TMEM131: variants seen among roughly 807,000 people sequenced by gnomAD.
TMEM131 encodes the protein transmembrane protein 131, also known as 2610524E03Rik.
TMEM131 carries 66 observed loss-of-function variants against 211.6 expected under a neutral mutation model. The ratio of observed to expected loss-of-function variants is 0.31; its 90% CI spans 0.26 to 0.38. The LOEUF (loss-of-function observed/expected upper bound fraction) is 0.38. Among genes scored for constraint, TMEM131 ranks in the 10% least tolerant of loss-of-function variants. The pLI is 1.00. For missense variants in TMEM131, 2,036 were observed against 2,299.3 expected (o/e 0.89, Z 2.34); for synonymous variants, 844 against 841.3 (o/e 1.00, Z -0.06).
intron 1 of TMEM131, among the ~76,000 whole-genome samples, chr2:97,969,530 A>G (rs1213822156): frequency 6.6e-6 from 1 of 152,232 alleles, no homozygotes; most frequent in Non-Finnish European, 1.5e-5. Context: ...TGACACCTGC[A>G]GGTCTTCTTG....
chr2:97,946,604 C>T (rs1276706060), intron 1 of TMEM131, among the ~76,000 whole-genome samples: 1 of 151,868 alleles, frequency 6.6e-6, no homozygotes, highest in Non-Finnish European at 1.5e-5. Context: ...TTAAAATCTT[C>T]TCACAAAGAT....
intron 13 of TMEM131, 90 bp downstream of exon 13, chr2:97,815,109 G>A (rs1459159487): frequency 4.9e-6 from 3 of 612,334 alleles, no homozygotes; most frequent in African/African-American, 3.9e-5. Flanking sequence ...TTATGTGAAC[G>A]TGGCTAGTAT....
At chr2:97,994,773 A>C (rs1195631107) in intron 1 of TMEM131, among the ~76,000 whole-genome samples, 1 of 152,236 alleles carries the variant, frequency 6.6e-6, no homozygotes, top group East Asian at 1.9e-4. Context: ...GTACAATACT[A>C]ATGAGATTTT....
In TMEM131 at chr2:97,775,943, T is replaced by G. The variant is rs761938695; in HGVS notation, c.4220A>C (p.Lys1407Thr). The change falls in exon 32 of 41, where the codon AAG becomes ACG. Residue 1407 changes from lysine (K) to threonine (T), a missense_variant. By Grantham distance (78) the Lys-to-Thr change is moderately conservative. Transcript: ENST00000186436. Reference sequence around the variant, plus strand: ...GTCCTTCAGCTCATCTTCCTGTGGCTTTCCCTTTCCCTTCTTCTCCTTTTC... The same window carrying G: ...GTCCTTCAGCTCATCTTCCTGTGGCGTTCCCTTTCCCTTCTTCTCCTTTTC... ...QEEKEKKGKG[K>T]PQEDELKDSL... The G allele has an allele frequency of 1.2e-6, 2 of 1,614,016 alleles. No homozygotes were observed. Among genetic ancestry groups the G allele is most frequent in the Non-Finnish European group, 1.7e-6 (2 of 1,179,888 alleles).
chr2:97,908,767 TCC>T, intron 2 of TMEM131, 69 bp from the exon 3 acceptor site: 3 of 1,288,450 alleles, frequency 2.3e-6, no homozygotes, highest in Non-Finnish European at 3.3e-6. Flanking sequence ...ATATGGAATA[TCC>T]AAAATATTCT....
chr2:97,824,356 G>A (rs988226972), intron 11 of TMEM131, among the ~76,000 whole-genome samples: 2 of 152,182 alleles, frequency 1.3e-5, no homozygotes, highest in African/African-American at 4.8e-5. Context: ...CCAGGAAATT[G>A]ACTTCCACCT....
chr2:97,831,982 T>C lies in TMEM131; in HGVS notation c.1074+1383A>G, dbSNP rs532401124. Among the ~76,000 whole-genome samples, 4 of 141,602 alleles carry C rather than the reference T, an allele frequency of 2.8e-5. No individual in the cohort carries two copies. The South Asian group carries it at 8.7e-4, about 31-fold the overall frequency. 92.9% of individuals were successfully genotyped at this position (141,602 alleles called of 152,430 possible). On this transcript the variant is annotated intron_variant, in intron 11 of 40. Transcript: ENST00000186436. ...CATGCCTGGCCTATTTTTGCATTTT[T>C]TATAGTTGTGTAAGTCACTTCCAAA...
intron 15 of TMEM131, among the ~76,000 whole-genome samples, chr2:97,813,677 C>G (rs1020479379): frequency 2.0e-5 from 3 of 151,972 alleles, no homozygotes; most frequent in South Asian, 2.1e-4. Context: ...CTATTTAGTT[C>G]TTTTCTATAT....
chr2:97,767,605 G>C (rs752736550), intron 33 of TMEM131, among the ~76,000 whole-genome samples: 14 of 152,172 alleles, frequency 9.2e-5, no homozygotes, highest in Non-Finnish European at 1.8e-4. Flanking sequence ...GAATCCTCAG[G>C]GATCTCTACA....
In TMEM131 at chr2:97,965,051, G is replaced by C. The variant is rs576428801; in HGVS notation, c.187+30425C>G. On this transcript the variant is annotated intron_variant, in intron 1 of 40. Coordinates refer to ENST00000186436, the MANE Select transcript of TMEM131 (RefSeq NM_015348.2). ...CTTCATGTCTTTATGCCCCAAGAGC[G>C]TAAGAGCTCCGCGGCATGCCACAGG... Among the ~76,000 whole-genome samples the C allele has an allele frequency of 4.6e-5, 7 of 152,282 alleles. No homozygotes were observed. In the East Asian group the frequency reaches 1.4e-3, roughly 29 times the overall value.
chr2:97,927,529 A>T (rs764530012), intron 1 of TMEM131, 42 bp from the exon 2 acceptor site: 1 of 1,473,718 alleles, frequency 6.8e-7, no homozygotes, highest in Admixed American at 2.4e-5. Context: ...CAGGAACATA[A>T]ATTTGATTTT....
At chr2:97,809,465 G>A (rs1367124897) in intron 19 of TMEM131, among the ~76,000 whole-genome samples, 2 of 152,094 alleles carry the variant, frequency 1.3e-5, no homozygotes, top group Non-Finnish European at 2.9e-5. Context: ...TCTACATTCC[G>A]CTTTATAGCT....
intron 32 of TMEM131, among the ~76,000 whole-genome samples, chr2:97,774,079 C>T (rs1679595131): frequency 6.6e-6 from 1 of 152,242 alleles, no homozygotes; most frequent in Admixed American, 6.5e-5. Context: ...TAATAGGTCA[C>T]ACCAGGTGAA....
chr2:97,983,474 G>A (rs1679890014), intron 1 of TMEM131, among the ~76,000 whole-genome samples: 1 of 152,166 alleles, frequency 6.6e-6, no homozygotes, highest in African/African-American at 2.4e-5. Context: ...ACTAAGGGCT[G>A]CATAATCTGC....
intron 3 of TMEM131, among the ~76,000 whole-genome samples, chr2:97,899,010 A>C (rs1675736458): frequency 6.6e-6 from 1 of 152,070 alleles, no homozygotes; most frequent in South Asian, 2.1e-4. Flanking sequence ...CATCTATTTT[A>C]TCAGTTACTA....
In TMEM131 at chr2:97,802,670, A is replaced by G; in HGVS notation, c.2523T>C (p.Thr841=). Residue 841 remains threonine, a synonymous_variant, in exon 23 of 41, where the codon ACT becomes ACC. Coordinates refer to ENST00000186436, the MANE Select transcript of TMEM131 (RefSeq NM_015348.2). ...SSPRHLKFPL[T]NTNCSSEEEI... is the part of the protein sequence containing the mutation. ...TACTTACTGAGGAGCAGTTTGTATTAGTAAGTGGAAATTTCAAGTGCCGGG... is the reference window on the plus strand; with the variant it reads ...TACTTACTGAGGAGCAGTTTGTATTGGTAAGTGGAAATTTCAAGTGCCGGG... The G allele has an allele frequency of 1.9e-6, 3 of 1,612,284 alleles. No individual in the cohort carries two copies. The highest frequency in any genetic ancestry group is 1.7e-6 in the Non-Finnish European group (2 of 1,179,082).
At chr2:97,926,946 GA>G (rs1401687893) in intron 2 of TMEM131, among the ~76,000 whole-genome samples, 1 of 152,118 alleles carries the variant, frequency 6.6e-6, no homozygotes, top group African/African-American at 2.4e-5. Flanking sequence ...CACCTAAAGG[GA>G]GATATTTAAA....
chr2:97,756,914 TATC>T lies in TMEM131; in HGVS notation c.*182_*184del, dbSNP rs1043174021. The stretch of plus-strand genomic sequence containing the variant: ...AAAAGCACAACAGCAAATCTCATGT[TATC>T]ATAATTGCAAGAAAGATCTGAAAGA... On this transcript the variant is annotated 3_prime_UTR_variant, in exon 41 of 41. Transcript: ENST00000186436. 7 of 633,158 alleles carry T rather than the reference TATC, an allele frequency of 1.1e-5. No homozygotes were observed. The highest frequency in any genetic ancestry group is 7.4e-5 in the African/African-American group (4 of 54,206). 39.2% of individuals were successfully genotyped at this position (633,158 alleles called of 1,614,324 possible).
At chr2:97,779,660 C>A (rs940354197) in intron 31 of TMEM131, among the ~76,000 whole-genome samples, 1 of 152,140 alleles carries the variant, frequency 6.6e-6, no homozygotes, top group Admixed American at 6.5e-5. Context: ...CAGAACTCTG[C>A]GGGTAGGCAC....
Sources: allele counts gnomAD v4.1 joint callset (sites outside exome capture counted in the v4.1 genomes callset), GRCh38; gene constraint gnomAD v4.1.1; transcripts MANE v1.5; gene names NCBI Gene and HGNC (gene_info 2026-07-23, HGNC 2026-07-21).